Variants in INO80D observed in about 807,000 individuals in gnomAD.
The protein encoded by INO80D is INO80 complex subunit D.
Under a neutral mutation model 87.6 loss-of-function variants are expected in INO80D, and 21 were observed. The observed-to-expected ratio is 0.24, with a 90% CI of 0.17 to 0.35. The LOEUF (loss-of-function observed/expected upper bound fraction) is 0.35, where lower values mean the gene tolerates loss of function less well. INO80D is among the 10% of genes least tolerant of loss of function. The probability of loss-of-function intolerance (pLI) is 1.00; values close to 1 mark genes in which losing one functional copy is unlikely to be tolerated. For synonymous variants in INO80D, 440 were observed against 491.0 expected (o/e 0.90, Z 1.37); for missense variants, 982 against 1,280.7 (o/e 0.77, Z 3.56).
chr2:206,058,460 C>T (rs1346635851), intron 3 of INO80D, among the ~76,000 whole-genome samples: 1 of 150,160 alleles, frequency 6.7e-6, no homozygotes, highest in African/African-American at 2.5e-5. Flanking sequence ...AAGGGCCGGG[C>T]GCAGTGGCTC....
chr2:206,016,815 A>G (rs1559434873), intron 8 of INO80D, among the ~76,000 whole-genome samples: 1 of 152,102 alleles, frequency 6.6e-6, no homozygotes, highest in Non-Finnish European at 1.5e-5. Context: ...GTCGCCCTAC[A>G]CAAACTCTAT....
chr2:206,076,587 T>C (rs1690122368), intron 1 of INO80D, among the ~76,000 whole-genome samples: 1 of 152,212 alleles, frequency 6.6e-6, no homozygotes, highest in Non-Finnish European at 1.5e-5. Context: ...CAACATTCAT[T>C]ATAATCAAGT....
At chr2:206,055,725 T>C (rs1034046081) in intron 4 of INO80D, among the ~76,000 whole-genome samples, 5 of 152,262 alleles carry the variant, frequency 3.3e-5, no homozygotes, top group Non-Finnish European at 7.3e-5. Context: ...TCCACATCTG[T>C]GGATTCAGCC....
chr2:206,016,181 T>G (rs1177315386), intron 8 of INO80D, among the ~76,000 whole-genome samples: 1 of 152,150 alleles, frequency 6.6e-6, no homozygotes. Flanking sequence ...CCCTGCAAAG[T>G]CACAGGGGCA....
chr2:206,034,214 T>C (rs565813886), intron 5 of INO80D, among the ~76,000 whole-genome samples: 13 of 152,092 alleles, frequency 8.5e-5, no homozygotes, highest in East Asian at 3.9e-4. Flanking sequence ...TTCCACAAGA[T>C]AGAGAAAGAA....
rs2105778902 is a variant in INO80D, at chr2:205,994,319, T to C, written c.*10049A>G. The stretch of plus-strand genomic sequence containing the variant: ...TAATGCATGGCCTGTTAAACATACT[T>C]GGGTGCCAAGGTGAATGAGAACACT... On this transcript the variant is annotated 3_prime_UTR_variant, in exon 11 of 11. Transcript: ENST00000403263. 1 of 152,342 alleles carries C rather than the reference T, an allele frequency of 6.6e-6. No individual in the cohort carries two copies. Among genetic ancestry groups the C allele is most frequent in the South Asian group, 2.1e-4 (1 of 4,820 alleles). The allele number at this position is 152,342 out of a possible 1,614,324, so 9.4% of individuals were successfully genotyped here.
chr2:206,005,467 A>G lies in INO80D; in HGVS notation c.1985T>C (p.Val662Ala). Reference sequence around the variant, plus strand: ...GGTACTCAGGCACTCGAGAGAAGTTACAGCCTGCAAGGCCCGTTCAAGCTC... The same window carrying G: ...GGTACTCAGGCACTCGAGAGAAGTTGCAGCCTGCAAGGCCCGTTCAAGCTC... ...AEELERALQAVTSLECLSTIG... is the reference protein window; with the variant it reads ...AEELERALQAATSLECLSTIG... The change falls in exon 11 of 11, where the codon GTA (valine) becomes GCA (alanine). Residue 662 changes from valine to alanine, a missense_variant. Transcript: ENST00000403263. The G allele has an allele frequency of 3.7e-6, 6 of 1,613,958 alleles. No homozygotes were observed. Among genetic ancestry groups the G allele is most frequent in the Non-Finnish European group, 5.1e-6 (6 of 1,179,886 alleles).
intron 9 of INO80D, 31 bp from the exon 10 acceptor site, chr2:206,007,472 C>G: frequency 6.3e-7 from 1 of 1,580,028 alleles, no homozygotes; most frequent in Admixed American, 1.9e-5. Context: ...GGTCCCATAA[C>G]TCCCCCATTA....
chr2:206,031,682 G>C (rs973377730), intron 5 of INO80D, among the ~76,000 whole-genome samples: 3 of 152,196 alleles, frequency 2.0e-5, no homozygotes, highest in African/African-American at 7.2e-5. Context: ...TGGCCGATGA[G>C]AGGCAGGACT....
intron 4 of INO80D, among the ~76,000 whole-genome samples, chr2:206,048,962 G>C (rs1335050034): frequency 1.3e-5 from 2 of 152,202 alleles, no homozygotes; most frequent in Admixed American, 6.5e-5. Context: ...ATGTTGCACA[G>C]CCTAAAGTGT....
intron 4 of INO80D, among the ~76,000 whole-genome samples, chr2:206,049,763 A>G (rs558277134): frequency 2.9e-4 from 44 of 152,198 alleles, no homozygotes; most frequent in Non-Finnish European, 5.7e-4. Flanking sequence ...GAGTATATGC[A>G]TTACTATTTC....
Position 206,056,346 on chromosome 2 carries a change from A to T in INO80D, c.816T>A (p.Ala272=). ...CAGTCCTGGGTGGGTCCACAGTGGG[A>T]GCCCTACTGGATGGCAGGAGGGGCA... ...RPLPLLPSSR[A]PTVDPPRTDR... Residue 272 remains alanine (A), a synonymous_variant, in exon 4 of 11, where the codon GCT becomes GCA. Coordinates refer to ENST00000403263, the MANE Select transcript of INO80D (RefSeq NM_017759.5). The T allele has an allele frequency of 1.2e-6, 2 of 1,613,718 alleles. No homozygotes were observed. Among genetic ancestry groups the T allele is most frequent in the Non-Finnish European group, 1.7e-6 (2 of 1,179,844 alleles).
At chr2:206,009,052 G>A (rs1380822029) in intron 9 of INO80D, among the ~76,000 whole-genome samples, 2 of 152,246 alleles carry the variant, frequency 1.3e-5, no homozygotes. Context: ...GTTCATGCCT[G>A]TATTCCCAGC....
chr2:206,078,633 T>C (rs994680966), intron 1 of INO80D, among the ~76,000 whole-genome samples: 3 of 142,316 alleles, frequency 2.1e-5, no homozygotes, highest in Non-Finnish European at 4.6e-5. Context: ...CCTGTCTCCA[T>C]TTAAACAAAA....
chr2:206,027,775 AC>A (rs1271476292), intron 6 of INO80D, among the ~76,000 whole-genome samples: 1 of 152,158 alleles, frequency 6.6e-6, no homozygotes, highest in Admixed American at 6.5e-5. Flanking sequence ...ATAAAATACT[AC>A]TTTTGTAGTT....
At chr2:206,069,989 G>A (rs186564352) in intron 1 of INO80D, among the ~76,000 whole-genome samples, 4 of 152,184 alleles carry the variant, frequency 2.6e-5, no homozygotes, top group Admixed American at 6.5e-5. Flanking sequence ...GAAAACATAC[G>A]TTGGCCAGGT....
At position 206,004,650 on chromosome 2, in the gene INO80D, G is replaced by A. The variant is rs374893679; in HGVS notation, c.2802C>T (p.Phe934=). 7.4e-6 allele frequency: 12 copies of A among 1,613,648 alleles called. No homozygotes were observed. Among genetic ancestry groups the A allele is most frequent in the East Asian group, 4.5e-5 (2 of 44,874 alleles). Reference sequence around the variant, plus strand: ...TGGAGCTGCTGGGGGTCACGGTGGCGAAGGCAGGCTGTGTGGTCTCTGAGT... The same window carrying A: ...TGGAGCTGCTGGGGGTCACGGTGGCAAAGGCAGGCTGTGTGGTCTCTGAGT... ...TSNSETTQPA[F]ATVTPSSSSV... The change falls in exon 11 of 11, where the codon TTC becomes TTT. Residue 934 remains phenylalanine (F), a synonymous_variant. Coordinates refer to ENST00000403263, the MANE Select transcript of INO80D (RefSeq NM_017759.5). The surrounding 1 kb of genome is among the most constrained non-coding windows in gnomAD (Gnocchi z 4.9).
chr2:205,997,044 G>T lies in INO80D; in HGVS notation c.*7324C>A, dbSNP rs1687821737. 1 of 152,032 alleles carries T rather than the reference G, an allele frequency of 6.6e-6. No homozygotes were observed. The highest frequency in any genetic ancestry group is 2.4e-5 in the African/African-American group (1 of 41,426). The allele number at this position is 152,032 out of a possible 1,614,324, so 9.4% of individuals were successfully genotyped here. On this transcript the variant is annotated 3_prime_UTR_variant, in exon 11 of 11. Coordinates refer to ENST00000403263, the MANE Select transcript of INO80D (RefSeq NM_017759.5). ...CTAAGATGAAGTAAATGATGCTCAA[G>T]AGACAACTACAAATTCAGGTATATT...
At chr2:206,059,085 A>T (rs973286198) in intron 3 of INO80D, among the ~76,000 whole-genome samples, 1 of 151,884 alleles carries the variant, frequency 6.6e-6, no homozygotes, top group African/African-American at 2.4e-5. Context: ...AAAAAAATCA[A>T]AGAAAACAGA....
Sources: allele counts gnomAD v4.1 joint callset (sites outside exome capture counted in the v4.1 genomes callset), GRCh38; gene constraint gnomAD v4.1.1; non-coding constraint Gnocchi (gnomAD v3.1); transcripts MANE v1.5; gene names NCBI Gene and HGNC (gene_info 2026-07-23, HGNC 2026-07-21).